Variants in VEPH1 observed in about 807,000 individuals in gnomAD.
The protein encoded by VEPH1 is ventricular zone expressed PH domain containing 1.
A neutral mutation model predicts 85.2 loss-of-function variants in VEPH1; 80 were observed. The ratio of observed to expected loss-of-function variants is 0.94; its 90% CI spans 0.78 to 1.13. VEPH1 has a LOEUF of 1.13. Ranked by LOEUF, VEPH1 falls within the 50% of genes most tolerant of loss-of-function variation. The pLI, the probability that VEPH1 is intolerant of heterozygous loss-of-function variation, is 0.00. For missense variants in VEPH1, 955 were observed against 980.5 expected (o/e 0.97, Z 0.35); for synonymous variants, 297 against 348.0 (o/e 0.85, Z 1.63).
chr3:157,425,490 G>A (rs931947381), intron 5 of VEPH1, among the ~76,000 whole-genome samples: 21 of 152,240 alleles, frequency 1.4e-4, no homozygotes, highest in African/African-American at 4.3e-4. Context: ...ACTCGGATGC[G>A]AGACATGGAG....
intron 2 of VEPH1, among the ~76,000 whole-genome samples, chr3:157,474,556 A>T (rs1737268119): frequency 6.6e-6 from 1 of 152,238 alleles, no homozygotes; most frequent in African/African-American, 2.4e-5. Context: ...TCTTAATAGT[A>T]AAAAATATGC....
chr3:157,468,556 C>T (rs1736606975), intron 3 of VEPH1, among the ~76,000 whole-genome samples: 1 of 152,026 alleles, frequency 6.6e-6, no homozygotes, highest in Admixed American at 6.5e-5. Context: ...GCCTGGGCGA[C>T]AGAGCGAGAC....
At chr3:157,418,529 A>T (rs1054087909) in intron 5 of VEPH1, among the ~76,000 whole-genome samples, 7 of 152,184 alleles carry the variant, frequency 4.6e-5, no homozygotes, top group African/African-American at 1.7e-4. Flanking sequence ...GCATTCCTAT[A>T]TAACAACAGC....
chr3:157,344,643 A>C (rs1022943098), intron 9 of VEPH1, among the ~76,000 whole-genome samples: 19 of 152,342 alleles, frequency 1.2e-4, no homozygotes, highest in South Asian at 1.2e-3. Flanking sequence ...TCAAGCTACC[A>C]ATGACTTTCT....
intron 11 of VEPH1, among the ~76,000 whole-genome samples, chr3:157,299,756 A>G (rs747790156): frequency 6.6e-6 from 1 of 151,900 alleles, no homozygotes. Context: ...AAATCAAACA[A>G]TTTTGTTGTT....
intron 9 of VEPH1, among the ~76,000 whole-genome samples, chr3:157,324,929 G>A (rs1306963365): frequency 6.6e-6 from 1 of 152,026 alleles, no homozygotes; most frequent in African/African-American, 2.4e-5. Flanking sequence ...TTCCACAATG[G>A]GTGAATTAAT....
chr3:157,338,768 C>CAG (rs1339096104), intron 9 of VEPH1, among the ~76,000 whole-genome samples: 22 of 152,298 alleles, frequency 1.4e-4, no homozygotes, highest in African/African-American at 4.3e-4. Context: ...TTAAAGTCCA[C>CAG]AGAAAGATTG....
intron 9 of VEPH1, among the ~76,000 whole-genome samples, chr3:157,327,458 C>G (rs905341803): frequency 3.1e-4 from 47 of 152,058 alleles, no homozygotes; most frequent in Non-Finnish European, 1.9e-4. Context: ...CTCTGCAAAT[C>G]TAAGTTGTAA....
chr3:157,278,316 G>A (rs1361765754), intron 12 of VEPH1, among the ~76,000 whole-genome samples: 1 of 152,154 alleles, frequency 6.6e-6, no homozygotes, highest in African/African-American at 2.4e-5. Context: ...GGGAATTCTT[G>A]GTAGAAGAAA....
intron 2 of VEPH1, among the ~76,000 whole-genome samples, chr3:157,485,926 C>A (rs1738582180): frequency 1.3e-5 from 2 of 152,072 alleles, no homozygotes; most frequent in African/African-American, 4.8e-5. Context: ...AAATAACAAT[C>A]TTTAACTTGT....
At chr3:157,491,225 T>C (rs919513305) in intron 2 of VEPH1, among the ~76,000 whole-genome samples, 9 of 152,088 alleles carry the variant, frequency 5.9e-5, no homozygotes, top group Admixed American at 5.2e-4. Flanking sequence ...AAGTGGGTGA[T>C]TCTGTGTGCC....
At chr3:157,382,519 G>A (rs896064430) in intron 6 of VEPH1, among the ~76,000 whole-genome samples, 1 of 152,024 alleles carries the variant, frequency 6.6e-6, no homozygotes, top group Admixed American at 6.6e-5. Context: ...TTTAAAATAT[G>A]GCTTATTTCA....
intron 2 of VEPH1, among the ~76,000 whole-genome samples, chr3:157,470,968 T>A (rs143405753): frequency 8.5e-5 from 13 of 152,314 alleles, no homozygotes; most frequent in African/African-American, 2.4e-4. Flanking sequence ...ACACATCATT[T>A]CATCTCTCCC....
intron 5 of VEPH1, among the ~76,000 whole-genome samples, chr3:157,426,071 G>A (rs909206753): frequency 5.3e-5 from 8 of 152,072 alleles, no homozygotes; most frequent in Non-Finnish European, 8.8e-5. Flanking sequence ...TTTGCCTCCC[G>A]CCATGATTCT....
intron 6 of VEPH1, among the ~76,000 whole-genome samples, chr3:157,411,472 T>A (rs887727615): frequency 2.0e-5 from 3 of 152,160 alleles, no homozygotes; most frequent in Non-Finnish European, 1.5e-5. Flanking sequence ...TTAAATATTC[T>A]CTGTCTGGAG....
chr3:157,363,873 T>G (rs1726334360), intron 8 of VEPH1, 112 bp from the exon 9 acceptor site: 1 of 1,251,628 alleles, frequency 8.0e-7, no homozygotes, highest in Admixed American at 2.5e-5. Flanking sequence ...AGTGTGAAAC[T>G]ATTAACAGGC....
intron 9 of VEPH1, among the ~76,000 whole-genome samples, chr3:157,319,948 G>A (rs1032932735): frequency 2.6e-5 from 4 of 152,124 alleles, no homozygotes; most frequent in Non-Finnish European, 5.9e-5. Flanking sequence ...AATGCTTTCA[G>A]TACATCTGGT....
chr3:157,369,191 A>AAAC (rs1727163603), intron 7 of VEPH1, among the ~76,000 whole-genome samples: 2 of 145,088 alleles, frequency 1.4e-5, no homozygotes, highest in South Asian at 2.3e-4. Flanking sequence ...AAAAAAAAAA[A>AAAC]AAAAAAAAAA....
chr3:157,495,361 G>A lies in VEPH1; in HGVS notation c.-12C>T, dbSNP rs2109758190. 1.9e-6 allele frequency: 3 copies of A among 1,613,150 alleles called. No individual in the cohort carries two copies. Among genetic ancestry groups the A allele is most frequent in the Non-Finnish European group, 2.5e-6 (3 of 1,179,572 alleles). ...AACAGTTGATGCATGGTGAGGATGA[G>A]TTTGATCAGTTGACTTTCTACAGAC... On this transcript the variant is annotated 5_prime_UTR_variant, in exon 2 of 14. Transcript: ENST00000362010.
Sources: allele counts gnomAD v4.1 joint callset (sites outside exome capture counted in the v4.1 genomes callset), GRCh38; gene constraint gnomAD v4.1.1; transcripts MANE v1.5; gene names NCBI Gene and HGNC (gene_info 2026-07-23, HGNC 2026-07-21).